The following IL18RAP variants were observed in gnomAD, a reference collection of about 807,000 sequenced individuals.
The protein encoded by IL18RAP is interleukin 18 receptor accessory protein, also known as interleukin-18 receptor accessory protein.
IL18RAP carries 37 observed loss-of-function variants against 58.1 expected under a neutral mutation model. That is an observed-to-expected ratio of 0.64 (90% confidence interval 0.49 to 0.84). IL18RAP has a LOEUF of 0.84. Ranked by LOEUF, IL18RAP falls within the 40% of genes least tolerant of loss-of-function variation. The pLI is 0.00. For missense variants in IL18RAP, 667 were observed against 704.8 expected (o/e 0.95, Z 0.61); for synonymous variants, 268 against 257.5 (o/e 1.04, Z -0.39).
In IL18RAP at chr2:102,451,800, A is replaced by G. The variant is rs1198970357; in HGVS notation, c.1419A>G (p.Arg473=). Residue 473 remains arginine (R), a synonymous_variant, in exon 10 of 10, where the codon AGA becomes AGG. Coordinates refer to ENST00000687160, the MANE Select transcript of IL18RAP (RefSeq NM_001393487.1). ...YAEDIVSIIK[R]SRRGIFILSP... ...AAGACATTGTGAGCATTATTAAGAGAAGCAGAAGAGGAATATTTATCTTGA... is the reference window on the plus strand; with the variant it reads ...AAGACATTGTGAGCATTATTAAGAGGAGCAGAAGAGGAATATTTATCTTGA... The G allele has an allele frequency of 6.2e-7, 1 of 1,613,592 alleles. No homozygotes were observed. The highest frequency in any genetic ancestry group is 1.7e-5 in the Admixed American group (1 of 59,948).
chr2:102,437,569 G>A (rs1208337327), intron 4 of IL18RAP, among the ~76,000 whole-genome samples: 1 of 152,122 alleles, frequency 6.6e-6, no homozygotes, highest in Non-Finnish European at 1.5e-5. Context: ...CTCACAAGTT[G>A]GGTTGTCCAT....
Position 102,424,151 on chromosome 2 carries a change from A to G in IL18RAP, c.395+16A>G, listed in dbSNP as rs201028871. The G allele has an allele frequency of 1.2e-6, 2 of 1,607,094 alleles. No homozygotes were observed. Among genetic ancestry groups the G allele is most frequent in the Non-Finnish European group, 8.5e-7 (1 of 1,175,470 alleles). ...AGATGATTAAGTATGATCCAAATAC[A>G]TTTCTATCTGAAAACATTTCCAAAT... On this transcript the variant is annotated intron_variant, in intron 2 of 9. Transcript: ENST00000687160.
chr2:102,451,056 A>G, intron 9 of IL18RAP, 35 bp downstream of exon 9: 1 of 1,539,764 alleles, frequency 6.5e-7, no homozygotes, highest in South Asian at 1.3e-5. Context: ...CTGCAGTGCA[A>G]AAAGGGCAGT....
chr2:102,435,394 A>G (rs1194441939), intron 3 of IL18RAP: 1 of 152,206 alleles, frequency 6.6e-6, no homozygotes, highest in African/African-American at 2.4e-5. Context: ...GAGTGTGTGT[A>G]AAATAGATGA....
At chr2:102,443,158 C>G (rs1558644702) in intron 5 of IL18RAP, 42 bp from the exon 6 acceptor site, 1 of 1,588,920 alleles carries the variant, frequency 6.3e-7, no homozygotes, top group Non-Finnish European at 8.5e-7. Context: ...AAAGTATTCT[C>G]ACCAGCTTCC....
chr2:102,439,309 G>C (rs1227375771), intron 4 of IL18RAP: 1 of 152,348 alleles, frequency 6.6e-6, no homozygotes, highest in Admixed American at 6.5e-5. Context: ...GTTGCTGATA[G>C]GGATCTGAAC....
chr2:102,451,289 G>A (rs1362786859), intron 9 of IL18RAP, among the ~76,000 whole-genome samples: 2 of 152,340 alleles, frequency 1.3e-5, no homozygotes, highest in East Asian at 3.9e-4. Flanking sequence ...GCTGAAGGCT[G>A]CGAAGTGAAC....
In IL18RAP at chr2:102,445,016, T is replaced by A. The variant is rs569475562; in HGVS notation, c.921-173T>A. Among the ~76,000 whole-genome samples the A allele has an allele frequency of 4.7e-4, 72 of 152,352 alleles. 1 individual carries two copies. Among genetic ancestry groups the A allele is most frequent in the African/African-American group, 1.7e-3 (70 of 41,580 alleles). ...CGTGAATGCTTAGAAGAGTCAATAA[T>A]TGAATCAAGAATGAGCCCTTTTTGA... On this transcript the variant is annotated intron_variant, in intron 6 of 9. Transcript: ENST00000687160.
intron 3 of IL18RAP, chr2:102,434,656 TA>T (rs1217527243): frequency 6.6e-6 from 1 of 152,168 alleles, no homozygotes; most frequent in African/African-American, 2.4e-5. Flanking sequence ...GTTGCTTAAT[TA>T]ACTAAAAGGG....
intron 6 of IL18RAP, 49 bp from the exon 7 acceptor site, chr2:102,445,140 G>A (rs775422926): frequency 1.3e-6 from 2 of 1,555,692 alleles, no homozygotes; most frequent in African/African-American, 2.7e-5. Flanking sequence ...CTGCAAATGG[G>A]TGTCAATGTA....
At chr2:102,420,695 A>G (rs1448677769), upstream of IL18RAP, among the ~76,000 whole-genome samples, 1 of 152,234 alleles carries the variant, frequency 6.6e-6, no homozygotes, top group Non-Finnish European at 1.5e-5. Context: ...TTTAAAAATT[A>G]CAAATATCCC....
upstream of IL18RAP, among the ~76,000 whole-genome samples, chr2:102,422,057 C>T (rs764614025): frequency 6.6e-6 from 1 of 152,192 alleles, no homozygotes; most frequent in Non-Finnish European, 1.5e-5. Context: ...CTGCATCATG[C>T]AGACTCTAGC....
At chr2:102,433,073 G>T (rs561977556) in intron 3 of IL18RAP, among the ~76,000 whole-genome samples, 1 of 152,070 alleles carries the variant, frequency 6.6e-6, no homozygotes, top group South Asian at 2.1e-4. Flanking sequence ...GAGTTTTGAC[G>T]ACATTGCTGT....
chr2:102,440,630 G>C (rs1683047688), intron 4 of IL18RAP, among the ~76,000 whole-genome samples: 1 of 151,676 alleles, frequency 6.6e-6, no homozygotes, highest in African/African-American at 2.4e-5. Context: ...GAGAAAGCGA[G>C]AGAGAGAGAG....
upstream of IL18RAP, chr2:102,418,719 TTTTCCTTTTTCCTCCAG>T (rs1366285256): frequency 6.6e-6 from 1 of 152,344 alleles, no homozygotes; most frequent in Non-Finnish European, 1.5e-5. Flanking sequence ...CAAAATAAGG[TTTTCCTTTTTCCTCCAG>T]TTATAATCCT....
chr2:102,445,394 A>C, intron 7 of IL18RAP, 54 bp downstream of exon 7: 1 of 1,555,442 alleles, frequency 6.4e-7, no homozygotes, highest in South Asian at 1.1e-5. Flanking sequence ...TTGAGAGGGG[A>C]GGAGTTTTCC....
chr2:102,445,340 G>C lies in IL18RAP; in HGVS notation c.1072G>C (p.Val358Leu). ...QSVQLKEKRG[V>L]VLLYILLGTI... ...CGTCCAACTGAAAGAAAAGAGAGGA[G>C]GTAAGCCCAGAAGGTTGCCCAGGAG... Residue 358 changes from valine to leucine, a missense_variant and splice_region_variant, in exon 7 of 10, where the codon GTG becomes CTG. Coordinates refer to ENST00000687160, the MANE Select transcript of IL18RAP (RefSeq NM_001393487.1). 6.2e-7 allele frequency: 1 copy of C among 1,613,960 alleles called. No homozygotes were observed. The highest frequency in any genetic ancestry group is 8.5e-7 in the Non-Finnish European group (1 of 1,179,882).
At chr2:102,442,627 G>A (rs1683172673) in intron 5 of IL18RAP, among the ~76,000 whole-genome samples, 1 of 152,158 alleles carries the variant, frequency 6.6e-6, no homozygotes. Flanking sequence ...TATTAGATTT[G>A]AGGCAGAGCA....
upstream of IL18RAP, chr2:102,423,143 T>G (rs770841798): frequency 2.7e-5 from 24 of 888,680 alleles, no homozygotes; most frequent in Non-Finnish European, 4.0e-5. Context: ...GTTCACTGGT[T>G]CTGACTTCTT....
Sources: allele counts gnomAD v4.1 joint callset (sites outside exome capture counted in the v4.1 genomes callset), GRCh38; gene constraint gnomAD v4.1.1; transcripts MANE v1.5; gene names NCBI Gene and HGNC (gene_info 2026-07-23, HGNC 2026-07-21).